The following RUBCN variants were observed in gnomAD, a reference collection of about 807,000 sequenced individuals.
RUBCN encodes the protein run domain Beclin-1-interacting and cysteine-rich domain-containing protein.
A neutral mutation model predicts 113.2 loss-of-function variants in RUBCN; 74 were observed. That is an observed-to-expected ratio of 0.65 (90% confidence interval 0.54 to 0.79). RUBCN has a LOEUF of 0.79. RUBCN is among the 30% of genes least tolerant of loss of function. The probability of loss-of-function intolerance (pLI) is 0.00; values close to 1 mark genes in which losing one functional copy is unlikely to be tolerated. For missense variants in RUBCN, 1,109 were observed against 1,251.7 expected (o/e 0.89, Z 1.72); for synonymous variants, 480 against 490.0 (o/e 0.98, Z 0.27).
intron 16 of RUBCN, among the ~76,000 whole-genome samples, chr3:197,679,977 C>T (rs1159331097): frequency 1.4e-5 from 2 of 145,604 alleles, no homozygotes; most frequent in Non-Finnish European, 3.0e-5. Flanking sequence ...CTGTCCTACG[C>T]TCTAACTGAC....
rs1347051199 is a variant in RUBCN at position 197,683,551 on chromosome 3, C to T, written c.1848-112G>A. 8 of 1,186,982 alleles carry T rather than the reference C, an allele frequency of 6.7e-6. No homozygotes were observed. In the East Asian group the frequency reaches 7.5e-5, roughly 11 times the overall value. 73.5% of individuals were successfully genotyped at this position (1,186,982 alleles called of 1,614,324 possible). The stretch of plus-strand genomic sequence containing the variant: ...GCAACTTCTGGGCTGGAAGAACACC[C>T]GCAGCACCCTGGCCTGCTCATCACC... On this transcript the variant is annotated intron_variant, in intron 12 of 19. Transcript: ENST00000296343. The surrounding 1 kb of genome is among the most constrained non-coding windows in gnomAD (Gnocchi z 4.6).
chr3:197,698,057 G>A (rs1723207950), intron 7 of RUBCN, among the ~76,000 whole-genome samples: 1 of 152,154 alleles, frequency 6.6e-6, no homozygotes, highest in Non-Finnish European at 1.5e-5. Flanking sequence ...GGACCTTCAA[G>A]ATTCCCAAAC....
At chr3:197,733,716 A>C (rs1380604039) in intron 1 of RUBCN, among the ~76,000 whole-genome samples, 1 of 152,220 alleles carries the variant, frequency 6.6e-6, no homozygotes, top group Non-Finnish European at 1.5e-5. Context: ...CCGCCAACAC[A>C]GTATGCCTAT....
chr3:197,699,285 C>G (rs1214572354), intron 7 of RUBCN: 5 of 1,306,632 alleles, frequency 3.8e-6, no homozygotes, highest in Admixed American at 4.1e-5. Flanking sequence ...AATGAGAATA[C>G]AGAGAGAGAA....
At chr3:197,713,581 G>A (rs1456698242) in intron 2 of RUBCN, among the ~76,000 whole-genome samples, 1 of 152,060 alleles carries the variant, frequency 6.6e-6, no homozygotes, top group African/African-American at 2.4e-5. Flanking sequence ...TGTTGTGCTC[G>A]GGCCTGAAAG....
At chr3:197,732,466 A>C (rs531105542) in intron 1 of RUBCN, among the ~76,000 whole-genome samples, 1 of 152,276 alleles carries the variant, frequency 6.6e-6, no homozygotes, top group Admixed American at 6.5e-5. Context: ...GGCGCCTGCC[A>C]CCACGCCTGG....
intron 2 of RUBCN, among the ~76,000 whole-genome samples, chr3:197,715,587 A>T (rs543990480): frequency 6.6e-6 from 1 of 152,254 alleles, no homozygotes; most frequent in East Asian, 1.9e-4. Context: ...CCAACCCTAG[A>T]GGTAGACAGA....
chr3:197,746,113 C>G (rs1323435404), intron 1 of RUBCN, among the ~76,000 whole-genome samples: 1 of 152,118 alleles, frequency 6.6e-6, no homozygotes, highest in Non-Finnish European at 1.5e-5. Context: ...CCCAGTTAAA[C>G]CTGAATTTCA....
At chr3:197,686,352 G>A (rs1352073910) in intron 11 of RUBCN, among the ~76,000 whole-genome samples, 3 of 152,144 alleles carry the variant, frequency 2.0e-5, no homozygotes, top group South Asian at 2.1e-4. Flanking sequence ...AAGTGAGGTC[G>A]GAGGTACATG....
At chr3:197,746,398 A>C (rs939431938) in intron 1 of RUBCN, among the ~76,000 whole-genome samples, 3 of 152,200 alleles carry the variant, frequency 2.0e-5, no homozygotes, top group African/African-American at 7.2e-5. Flanking sequence ...GGCACGCCTC[A>C]ATCATTCCAG....
rs566404814 is a variant in RUBCN at position 197,716,183 on chromosome 3, G to A, written c.219+1794C>T. Among the ~76,000 whole-genome samples the A allele has an allele frequency of 5.3e-5, 8 of 152,166 alleles. No homozygotes were observed. The South Asian group carries it at 8.3e-4, about 16-fold the overall frequency. ...CACCCTGTCGCTCAGGCTGGAGCGC[G>A]GTGGCACGGTCTCAGCTCACTGCAG... On this transcript the variant is annotated intron_variant, in intron 2 of 19. Transcript: ENST00000296343.
At position 197,675,446 on chromosome 3, in the gene RUBCN, G is replaced by C. The variant is rs189874370; in HGVS notation, c.2716C>G (p.Leu906Val). The C allele has an allele frequency of 1.6e-4, 256 of 1,613,954 alleles. No homozygotes were observed. Among genetic ancestry groups the C allele is most frequent in the Non-Finnish European group, 1.9e-4 (224 of 1,179,952 alleles). ...NEDDIIFPFELHKCRTCEECK... is the reference protein window; with the variant it reads ...NEDDIIFPFEVHKCRTCEECK... ...CCTTCACAGGTCCGGCACTTATGGA[G>C]CTCAAAGGGAAAGATGATGTCATCC... Residue 906 changes from leucine (L) to valine (V), a missense_variant, in exon 19 of 20, where the codon CTC (leucine) becomes GTC (valine). This residue lies in a region of RUBCN where 306 missense variants were observed against 348.9 expected (regional missense o/e 0.88). Transcript: ENST00000296343. The surrounding 1 kb of genome is among the most constrained non-coding windows in gnomAD (Gnocchi z 4.4).
chr3:197,720,693 C>A (rs1283855910), intron 1 of RUBCN, among the ~76,000 whole-genome samples: 1 of 152,104 alleles, frequency 6.6e-6, no homozygotes, highest in East Asian at 1.9e-4. Context: ...AGGAGTGAGC[C>A]ACCGCGCCTG....
At chr3:197,729,542 C>T (rs145911824) in intron 1 of RUBCN, among the ~76,000 whole-genome samples, 1,862 of 152,170 alleles carry the variant, frequency 0.012, 45 homozygotes, top group African/African-American at 0.043. Flanking sequence ...CGTGAGCCAC[C>T]GCGTCCGGCC....
intron 1 of RUBCN, among the ~76,000 whole-genome samples, chr3:197,749,068 A>G (rs556259916): frequency 6.6e-6 from 1 of 152,378 alleles, no homozygotes; most frequent in East Asian, 1.9e-4. Flanking sequence ...ACATAAACGC[A>G]GTTACTTCAG....
chr3:197,675,249 A>AGCTAGAGGTCAGTTGCT lies in RUBCN; in HGVS notation c.2741-70_2741-54dup, dbSNP rs1228818704. The AGCTAGAGGTCAGTTGCT allele has an allele frequency of 6.2e-7, 1 of 1,602,660 alleles. No individual in the cohort carries two copies. The highest frequency in any genetic ancestry group is 1.3e-5 in the African/African-American group (1 of 74,702). ...GAAGAAAACAATTTGTATTATCTCC[A>AGCTAGAGGTCAGTTGCT]GCTAGAGGTCAGTTGCTGCCACAGC... On this transcript the variant is annotated intron_variant, in intron 19 of 19. Transcript: ENST00000296343. This position sits in a 1 kb window ranked among gnomAD's most constrained non-coding sequence, Gnocchi z 4.4.
Position 197,669,649 on chromosome 3 carries a change from T to C in RUBCN, c.*5369A>G, listed in dbSNP as rs1719602206. ...TAAAGTTGCTATTTTCCTCTTTCTA[T>C]ATCCTTTTATTTAAAAAAGTGAATC... On this transcript the variant is annotated 3_prime_UTR_variant, in exon 20 of 20. Transcript: ENST00000296343. 6.6e-6 allele frequency among the ~76,000 whole-genome samples: 1 copy of C among 152,256 alleles called. No homozygotes were observed. The highest frequency in any genetic ancestry group is 2.4e-5 in the African/African-American group (1 of 41,452).
At chr3:197,744,727 T>C (rs1420806708) in intron 1 of RUBCN, among the ~76,000 whole-genome samples, 1 of 152,176 alleles carries the variant, frequency 6.6e-6, no homozygotes, top group Non-Finnish European at 1.5e-5. Context: ...TTAAAAAGTA[T>C]ATACTGTATG....
rs1178053062 is a variant in RUBCN at position 197,668,884 on chromosome 3, T to C, written c.*6134A>G. On this transcript the variant is annotated 3_prime_UTR_variant, in exon 20 of 20. Coordinates refer to ENST00000296343, the MANE Select transcript of RUBCN (RefSeq NM_014687.4). ...AGAATCTCTAAAATTAACTCTTTAA[T>C]TTATGGAAAATGACTCATTTACAGC... Among the ~76,000 whole-genome samples, 1 of 152,212 alleles carries C rather than the reference T, an allele frequency of 6.6e-6. No individual in the cohort carries two copies. The highest frequency in any genetic ancestry group is 1.5e-5 in the Non-Finnish European group (1 of 68,046).
Sources: gnomAD v4.1 joint callset for allele counts (sites outside exome capture counted in the v4.1 genomes callset) on GRCh38, gnomAD v4.1.1 for gene constraint, gnomAD v4.1.1 regional missense constraint, Gnocchi (gnomAD v3.1) non-coding constraint, MANE v1.5 for transcripts, NCBI Gene and HGNC (gene_info 2026-07-23, HGNC 2026-07-21) for gene names.